SLC25A26: variants seen among roughly 807,000 people sequenced by gnomAD.
The protein encoded by SLC25A26 is solute carrier family 25 member 26.
A neutral mutation model predicts 37.8 loss-of-function variants in SLC25A26; 36 were observed. The ratio of observed to expected loss-of-function variants is 0.95; its 90% CI spans 0.73 to 1.26. The LOEUF is 1.26. SLC25A26 is among the 50% of genes most tolerant of loss of function. The pLI is 0.00. For synonymous variants in SLC25A26, 129 were observed against 122.5 expected, an observed-to-expected ratio of 1.05 and a Z score of -0.35; for missense variants, 390 against 331.1, an observed-to-expected ratio of 1.18 and a Z score of -1.38.
At chr3:66,161,116 A>G (rs1212459061) in intron 1 of SLC25A26, among the ~76,000 whole-genome samples, 1 of 152,042 alleles carries the variant, frequency 6.6e-6, no homozygotes, top group Non-Finnish European at 1.5e-5. Flanking sequence ...GGTGGTTGCA[A>G]TTACCAAAAG....
At chr3:66,321,895 T>A (rs1311613827) in intron 5 of SLC25A26, among the ~76,000 whole-genome samples, 1 of 152,098 alleles carries the variant, frequency 6.6e-6, no homozygotes, top group African/African-American at 2.4e-5. Context: ...AAATTACCTG[T>A]TCATTATCCT....
rs547466996 is a variant in SLC25A26, at chr3:66,316,566, A to G, written c.454-29798A>G. ...TTAACATTTTTTTTTCTTCATTTCAACCTTGGAGGATCTGATGATTATATG... is the reference window on the plus strand; with the variant it reads ...TTAACATTTTTTTTTCTTCATTTCAGCCTTGGAGGATCTGATGATTATATG... On this transcript the variant is annotated intron_variant, in intron 5 of 9. Coordinates refer to ENST00000354883, the MANE Select transcript of SLC25A26 (RefSeq NM_001379210.1). Among the ~76,000 whole-genome samples, 532 of 151,676 alleles carry G rather than the reference A, an allele frequency of 3.5e-3. 3 individuals are homozygous for G. The highest frequency in any genetic ancestry group is 6.1e-3 in the Non-Finnish European group (412 of 67,900).
chr3:66,306,791 A>C (rs541607698), intron 5 of SLC25A26, among the ~76,000 whole-genome samples: 1 of 152,170 alleles, frequency 6.6e-6, no homozygotes, highest in African/African-American at 2.4e-5. Flanking sequence ...TTTGCTGGGA[A>C]TGATGGTTTT....
chr3:66,157,566 T>G (rs1046637450), intron 1 of SLC25A26, among the ~76,000 whole-genome samples: 5 of 152,236 alleles, frequency 3.3e-5, no homozygotes, highest in African/African-American at 9.6e-5. Context: ...CTCAAAGTCA[T>G]GTGTAGAAGT....
chr3:66,253,133 C>T (rs536053797), intron 3 of SLC25A26, among the ~76,000 whole-genome samples: 17 of 146,956 alleles, frequency 1.2e-4, no homozygotes, highest in African/African-American at 2.5e-4. Flanking sequence ...GGGGGCCGGG[C>T]GCAGTGGCTC....
At chr3:66,198,424 T>C (rs1023209850) in intron 1 of SLC25A26, among the ~76,000 whole-genome samples, 1 of 151,706 alleles carries the variant, frequency 6.6e-6, no homozygotes, top group Non-Finnish European at 1.5e-5. Context: ...TTGACCCTCA[T>C]GTGCGTCTGA....
At chr3:66,296,323 T>A (rs1485069305) in intron 5 of SLC25A26, among the ~76,000 whole-genome samples, 7 of 152,230 alleles carry the variant, frequency 4.6e-5, no homozygotes, top group Admixed American at 6.5e-5. Flanking sequence ...TAACAGATGC[T>A]TTTCCATGCA....
chr3:66,210,005 C>G (rs1433379953), intron 1 of SLC25A26, among the ~76,000 whole-genome samples: 1 of 133,316 alleles, frequency 7.5e-6, no homozygotes, highest in African/African-American at 2.8e-5. Flanking sequence ...TACCAATCCC[C>G]TAGCATAGGC....
intron 9 of SLC25A26, among the ~76,000 whole-genome samples, chr3:66,375,015 T>G (rs1700565305): frequency 6.6e-6 from 1 of 152,108 alleles, no homozygotes; most frequent in Non-Finnish European, 1.5e-5. Context: ...AAAGGAAAAG[T>G]TCTTGAAGGA....
At chr3:66,184,525 C>CCTAA (rs2106769451) in intron 1 of SLC25A26, among the ~76,000 whole-genome samples, 1 of 58,106 alleles carries the variant, frequency 1.7e-5, no homozygotes, top group South Asian at 7.5e-4. Flanking sequence ...TCACCACTAC[C>CCTAA]CTAACACTTT....
chr3:66,369,062 ACAAAAG>A lies in SLC25A26; in HGVS notation c.569-415_569-410del, dbSNP rs1559746549. 1.8e-3 allele frequency among the ~76,000 whole-genome samples: 49 copies of A among 27,668 alleles called. 2 individuals are homozygous for A. The highest frequency in any genetic ancestry group is 7.6e-3 in the African/African-American group (43 of 5,656). The allele number at this position is 27,668 out of a possible 152,430, so 18.2% of individuals were successfully genotyped here. On this transcript the variant is annotated intron_variant, in intron 7 of 9. Transcript: ENST00000354883. ...AAAAAAACAAAAACAAAAAAAAAAA[ACAAAAG>A]ACAGTGGCCTATAGAAAGTCATGAA...
At chr3:66,156,767 C>T (rs939341890) in intron 1 of SLC25A26, among the ~76,000 whole-genome samples, 1 of 152,080 alleles carries the variant, frequency 6.6e-6, no homozygotes, top group African/African-American at 2.4e-5. Flanking sequence ...GATCCACCTG[C>T]CTCTGATTGG....
At chr3:66,326,236 G>A (rs2075834525) in intron 5 of SLC25A26, among the ~76,000 whole-genome samples, 1 of 152,132 alleles carries the variant, frequency 6.6e-6, no homozygotes, top group Non-Finnish European at 1.5e-5. Flanking sequence ...GCTATGTGGA[G>A]ATAATGAGTA....
upstream of SLC25A26, chr3:66,220,934 C>A: frequency 1.3e-6 from 1 of 774,116 alleles, no homozygotes; most frequent in Non-Finnish European, 2.2e-6. Flanking sequence ...TCCCCTAGGC[C>A]CAGGTGTCTC....
Sources: allele counts gnomAD v4.1 joint callset (sites outside exome capture counted in the v4.1 genomes callset), GRCh38; gene constraint gnomAD v4.1.1; transcripts MANE v1.5; gene names NCBI Gene and HGNC (gene_info 2026-07-23, HGNC 2026-07-21).